Variants in CTNNA2 observed in about 807,000 individuals in gnomAD.
CTNNA2 encodes the protein catenin alpha 2, also known as catenin alpha-2.
Under a neutral mutation model 101.0 loss-of-function variants are expected in CTNNA2, and 42 were observed. The observed-to-expected ratio is 0.42, with a 90% CI of 0.32 to 0.54. The LOEUF is 0.54. Ranked by LOEUF, CTNNA2 falls within the 20% of genes least tolerant of loss-of-function variation. The probability of loss-of-function intolerance (pLI) is 0.14; values close to 1 mark genes in which losing one functional copy is unlikely to be tolerated. For missense variants in CTNNA2, 871 were observed against 1,223.1 expected (o/e 0.71, Z 4.29); for synonymous variants, 450 against 456.4 (o/e 0.99, Z 0.18).
intron 7 of CTNNA2, among the ~76,000 whole-genome samples, chr2:79,916,216 C>G (rs78257379): frequency 1.3e-5 from 2 of 152,068 alleles, no homozygotes; most frequent in African/African-American, 4.8e-5. Flanking sequence ...TGTGGGCAAT[C>G]GAGATCGAAT....
At chr2:79,504,734 T>G (rs866364357) in intron 4 of CTNNA2, among the ~76,000 whole-genome samples, 3 of 152,220 alleles carry the variant, frequency 2.0e-5, no homozygotes, top group African/African-American at 7.2e-5. Flanking sequence ...AAAGAGTGGA[T>G]GCATCTTGAT....
intron 1 of CTNNA2, among the ~76,000 whole-genome samples, chr2:79,529,596 A>C (rs1672620069): frequency 6.6e-6 from 1 of 152,068 alleles, no homozygotes; most frequent in South Asian, 2.1e-4. Context: ...CCACTGCTTA[A>C]GTGACAAATA....
At chr2:80,645,633 T>C (rs1673998492) in intron 18 of CTNNA2, among the ~76,000 whole-genome samples, 1 of 152,124 alleles carries the variant, frequency 6.6e-6, no homozygotes, top group Non-Finnish European at 1.5e-5. Flanking sequence ...TCCCGGGTGA[T>C]GCTGATGCTG....
At chr2:79,241,279 T>G (rs778048432) in intron 2 of CTNNA2, among the ~76,000 whole-genome samples, 1 of 152,124 alleles carries the variant, frequency 6.6e-6, no homozygotes, top group Non-Finnish European at 1.5e-5. Flanking sequence ...ATATGGCAAT[T>G]GAAGAAATAA....
At chr2:79,551,842 A>T (rs1674120976) in intron 1 of CTNNA2, among the ~76,000 whole-genome samples, 1 of 152,130 alleles carries the variant, frequency 6.6e-6, no homozygotes, top group South Asian at 2.1e-4. Context: ...GTGAGAACTC[A>T]CTATCATGAG....
chr2:79,392,534 A>AATC (rs1478649580), intron 4 of CTNNA2, among the ~76,000 whole-genome samples: 1 of 152,212 alleles, frequency 6.6e-6, no homozygotes, highest in Non-Finnish European at 1.5e-5. Flanking sequence ...TTCATCATTT[A>AATC]ATCAAATATC....
At chr2:79,300,726 C>T (rs1676088671) in intron 2 of CTNNA2, among the ~76,000 whole-genome samples, 1 of 152,162 alleles carries the variant, frequency 6.6e-6, no homozygotes, top group Admixed American at 6.5e-5. Context: ...ATCATTTCTC[C>T]ACTAACCACT....
intron 7 of CTNNA2, among the ~76,000 whole-genome samples, chr2:80,124,753 G>A (rs2148884203): frequency 6.6e-6 from 1 of 152,094 alleles, no homozygotes; most frequent in East Asian, 1.9e-4. Context: ...GTTGAGCGAG[G>A]TTACCCCTCC....
At chr2:80,149,957 C>T (rs1474132549) in intron 7 of CTNNA2, among the ~76,000 whole-genome samples, 3 of 152,142 alleles carry the variant, frequency 2.0e-5, no homozygotes, top group Non-Finnish European at 4.4e-5. Flanking sequence ...AAAGCATCCA[C>T]CCTAGGCCTG....
intron 9 of CTNNA2, among the ~76,000 whole-genome samples, chr2:80,482,793 A>G (rs722559): frequency 0.11 from 16,890 of 152,162 alleles, 1,859 homozygotes; most frequent in East Asian, 0.52. Context: ...AAAAACATGC[A>G]AAGATCTGGT....
At chr2:79,475,130 T>C (rs536089761) in intron 4 of CTNNA2, among the ~76,000 whole-genome samples, 17 of 152,260 alleles carry the variant, frequency 1.1e-4, no homozygotes, top group African/African-American at 4.1e-4. Context: ...TCTTTTTTCT[T>C]TTTTTTGTCC....
At chr2:80,066,344 C>T (rs1697986245) in intron 7 of CTNNA2, among the ~76,000 whole-genome samples, 1 of 151,568 alleles carries the variant, frequency 6.6e-6, no homozygotes, top group African/African-American at 2.4e-5. Flanking sequence ...GAGGTTAATA[C>T]CTAAAATATA....
chr2:79,342,663 G>T (rs753141320), intron 3 of CTNNA2, among the ~76,000 whole-genome samples: 2 of 152,178 alleles, frequency 1.3e-5, no homozygotes, highest in Non-Finnish European at 2.9e-5. Context: ...AATTAAACAT[G>T]CTGCGGGTAC....
intron 9 of CTNNA2, among the ~76,000 whole-genome samples, chr2:80,535,203 C>T (rs1421982690): frequency 6.6e-6 from 1 of 152,094 alleles, no homozygotes; most frequent in African/African-American, 2.4e-5. Context: ...ACTTTTAATG[C>T]ATTACTTTGC....
chr2:80,101,049 G>A lies in CTNNA2; in HGVS notation c.1056+191252G>A, dbSNP rs145415802. 2.4e-3 allele frequency among the ~76,000 whole-genome samples: 370 copies of A among 152,270 alleles called. 2 individuals are homozygous for A. The highest frequency in any genetic ancestry group is 8.1e-3 in the African/African-American group (335 of 41,548). On this transcript the variant is annotated intron_variant, in intron 7 of 18. Coordinates refer to ENST00000402739, the MANE Select transcript of CTNNA2 (RefSeq NM_001282597.3). ...TTTATGGGACTTCTGGCTGTTGTAAGTCTGATTAGAAAGGAGAGGATTGTT... is the reference window on the plus strand; with the variant it reads ...TTTATGGGACTTCTGGCTGTTGTAAATCTGATTAGAAAGGAGAGGATTGTT...
At chr2:79,663,540 G>A (rs541645072) in intron 2 of CTNNA2, among the ~76,000 whole-genome samples, 50 of 152,208 alleles carry the variant, frequency 3.3e-4, no homozygotes, top group Admixed American at 1.1e-3. Flanking sequence ...CTGCATGGGC[G>A]GATGCTGCCC....
intron 8 of CTNNA2, among the ~76,000 whole-genome samples, chr2:80,401,661 G>T (rs1168392866): frequency 2.0e-5 from 3 of 151,902 alleles, no homozygotes; most frequent in African/African-American, 7.3e-5. Flanking sequence ...AGTCCCTCAG[G>T]TGGTATATCT....
In CTNNA2 at chr2:80,233,681, C is replaced by T. The variant is rs150045804; in HGVS notation, c.1057-159530C>T. On this transcript the variant is annotated intron_variant, in intron 7 of 18. Coordinates refer to ENST00000402739, the MANE Select transcript of CTNNA2 (RefSeq NM_001282597.3). ...AAAGGCATCTCTTTATGAGTGATGA[C>T]AATTAGCAGTCAGATTTTGGAAACA... is the stretch of plus-strand genomic sequence containing the variant. Among the ~76,000 whole-genome samples the T allele has an allele frequency of 5.2e-3, 786 of 152,168 alleles. 8 individuals are homozygous for T. Among genetic ancestry groups the T allele is most frequent in the African/African-American group, 0.018 (736 of 41,532 alleles).
At chr2:79,621,230 C>T (rs1558777748) in intron 1 of CTNNA2, among the ~76,000 whole-genome samples, 3 of 152,132 alleles carry the variant, frequency 2.0e-5, no homozygotes, top group South Asian at 4.1e-4. Context: ...TTTCTGTGCT[C>T]CCTTAGCTGA....
Sources: allele counts gnomAD v4.1 joint callset (sites outside exome capture counted in the v4.1 genomes callset), GRCh38; gene constraint gnomAD v4.1.1; transcripts MANE v1.5; gene names NCBI Gene and HGNC (gene_info 2026-07-23, HGNC 2026-07-21).